The following ADGRB3 variants were observed in gnomAD, a reference collection of about 807,000 sequenced individuals.
The protein encoded by ADGRB3 is brain-specific angiogenesis inhibitor 3.
A neutral mutation model predicts 193.4 loss-of-function variants in ADGRB3; 37 were observed. The observed-to-expected ratio is 0.19, with a 90% confidence interval of 0.15 to 0.25. The LOEUF is 0.25. Among genes scored for constraint, ADGRB3 ranks in the 10% least tolerant of loss-of-function variants. The probability of loss-of-function intolerance (pLI) is 1.00; values close to 1 mark genes in which losing one functional copy is unlikely to be tolerated. For synonymous variants in ADGRB3, 690 were observed against 644.2 expected (o/e 1.07, Z -1.08); for missense variants, 1,637 against 1,852.9 (o/e 0.88, Z 2.14).
chr6:69,363,460 GA>G (rs1280931017), intron 29 of ADGRB3, among the ~76,000 whole-genome samples: 3 of 151,912 alleles, frequency 2.0e-5, no homozygotes, highest in Non-Finnish European at 2.9e-5. Flanking sequence ...TTAAAAACAG[GA>G]ATTAATCTTC....
chr6:69,215,569 G>A (rs1438283284), intron 17 of ADGRB3, among the ~76,000 whole-genome samples: 1 of 151,578 alleles, frequency 6.6e-6, no homozygotes, highest in Non-Finnish European at 1.5e-5. Flanking sequence ...GTGTTTTCAG[G>A]AAAATATTAA....
intron 17 of ADGRB3, among the ~76,000 whole-genome samples, chr6:69,094,026 C>A (rs1452903397): frequency 2.6e-5 from 4 of 152,154 alleles, no homozygotes; most frequent in African/African-American, 9.7e-5. Context: ...AGGCTGGAAA[C>A]TGTACTGATG....
At chr6:69,239,412 A>T (rs1232844875) in intron 20 of ADGRB3, among the ~76,000 whole-genome samples, 186 bp downstream of exon 20, 1 of 152,012 alleles carries the variant, frequency 6.6e-6, no homozygotes, top group African/African-American at 2.4e-5. Context: ...TATACCCTTG[A>T]TTTAATTCCC....
chr6:68,735,426 A>C (rs1247685465), intron 3 of ADGRB3, among the ~76,000 whole-genome samples: 1 of 152,054 alleles, frequency 6.6e-6, no homozygotes, highest in East Asian at 1.9e-4. Context: ...GTAAATATAT[A>C]TGATAGATAA....
At chr6:68,785,553 T>C (rs1766949588) in intron 3 of ADGRB3, among the ~76,000 whole-genome samples, 1 of 151,106 alleles carries the variant, frequency 6.6e-6, no homozygotes, top group South Asian at 2.1e-4. Flanking sequence ...ATCCAGTCTA[T>C]CGTTGTTGGA....
chr6:69,139,147 C>T (rs540322533), intron 17 of ADGRB3, among the ~76,000 whole-genome samples: 5 of 152,156 alleles, frequency 3.3e-5, no homozygotes, highest in Admixed American at 2.0e-4. Flanking sequence ...CTTGATAGTC[C>T]GGAGCTTTCC....
At position 68,738,226 on chromosome 6, in the gene ADGRB3, T is replaced by C. The variant is rs114621266; in HGVS notation, c.757+98794T>C. Among the ~76,000 whole-genome samples the C allele has an allele frequency of 3.9e-3, 592 of 152,158 alleles. 3 individuals carry two copies. The highest frequency in any genetic ancestry group is 0.037 in the Middle Eastern group (11 of 294). On this transcript the variant is annotated intron_variant, in intron 3 of 31. Coordinates refer to ENST00000370598, the MANE Select transcript of ADGRB3 (RefSeq NM_001704.3). ...CCATTGTGGCAAACTCAGGAAGCCATTGAGGCTTGTGCAAACTGATAGCAG... is the reference window on the plus strand; with the variant it reads ...CCATTGTGGCAAACTCAGGAAGCCACTGAGGCTTGTGCAAACTGATAGCAG...
At chr6:69,013,774 C>A (rs1457457895) in intron 11 of ADGRB3, among the ~76,000 whole-genome samples, 1 of 151,992 alleles carries the variant, frequency 6.6e-6, no homozygotes, top group African/African-American at 2.4e-5. Context: ...AATATAGATA[C>A]TATAATGGAA....
At chr6:69,282,483 T>C (rs1037334835) in intron 20 of ADGRB3, among the ~76,000 whole-genome samples, 10 of 152,216 alleles carry the variant, frequency 6.6e-5, no homozygotes, top group Non-Finnish European at 1.3e-4. Flanking sequence ...CTTAGGTCAC[T>C]CCATCTAAGT....
chr6:69,150,358 A>G (rs1414631343), intron 17 of ADGRB3, among the ~76,000 whole-genome samples: 1 of 152,150 alleles, frequency 6.6e-6, no homozygotes, highest in Non-Finnish European at 1.5e-5. Flanking sequence ...CTCTTTTAAC[A>G]GGCAGAAAAG....
At chr6:68,955,419 T>C (rs1768045272) in intron 6 of ADGRB3, among the ~76,000 whole-genome samples, 1 of 152,206 alleles carries the variant, frequency 6.6e-6, no homozygotes, top group Admixed American at 6.5e-5. Flanking sequence ...CACTATTTCA[T>C]GTACCCCATC....
chr6:68,845,024 A>G (rs538603779), intron 3 of ADGRB3, among the ~76,000 whole-genome samples: 3 of 152,312 alleles, frequency 2.0e-5, no homozygotes, highest in South Asian at 4.1e-4. Flanking sequence ...ATACAAAAAA[A>G]TAGAAATAAT....
intron 8 of ADGRB3, among the ~76,000 whole-genome samples, chr6:68,958,981 A>G (rs1254615894): frequency 2.0e-5 from 3 of 151,874 alleles, no homozygotes; most frequent in Non-Finnish European, 4.4e-5. Context: ...TGCATTGTCC[A>G]TCAGAAATTG....
At chr6:68,948,294 A>G (rs529266071) in intron 6 of ADGRB3, among the ~76,000 whole-genome samples, 6 of 152,264 alleles carry the variant, frequency 3.9e-5, no homozygotes, top group African/African-American at 1.4e-4. Flanking sequence ...TTCTGTGAGC[A>G]TCAGGCAAGC....
intron 6 of ADGRB3, among the ~76,000 whole-genome samples, chr6:68,955,663 G>A (rs191077475): frequency 2.0e-5 from 3 of 152,094 alleles, no homozygotes; most frequent in Non-Finnish European, 4.4e-5. Context: ...GTGGTGACAG[G>A]CACCTGTAAT....
chr6:69,120,332 G>A (rs1773648831), intron 17 of ADGRB3, among the ~76,000 whole-genome samples: 1 of 152,222 alleles, frequency 6.6e-6, no homozygotes, highest in South Asian at 2.1e-4. Flanking sequence ...TCAATAAGGA[G>A]CTCTGGCCAT....
At chr6:69,240,183 G>C (rs1304055129) in intron 20 of ADGRB3, among the ~76,000 whole-genome samples, 1 of 151,940 alleles carries the variant, frequency 6.6e-6, no homozygotes, top group African/African-American at 2.4e-5. Context: ...CCTAAGACTG[G>C]TGATTTCCAC....
chr6:69,330,359 A>T, intron 22 of ADGRB3, 147 bp from the exon 23 acceptor site: 3 of 467,368 alleles, frequency 6.4e-6, no homozygotes, highest in Non-Finnish European at 1.1e-5. Flanking sequence ...GTTTTTTTCT[A>T]CATCTTCTAT....
At chr6:69,388,131 A>G (rs946160125) in intron 31 of ADGRB3, among the ~76,000 whole-genome samples, 11 of 152,224 alleles carry the variant, frequency 7.2e-5, no homozygotes, top group African/African-American at 2.4e-4. Flanking sequence ...ATTTTAGTCA[A>G]TCTGTATTCT....
Sources: allele counts gnomAD v4.1 joint callset (sites outside exome capture counted in the v4.1 genomes callset), GRCh38; gene constraint gnomAD v4.1.1; transcripts MANE v1.5; gene names NCBI Gene and HGNC (gene_info 2026-07-23, HGNC 2026-07-21).